The following PRKCE variants were observed in gnomAD, a reference collection of about 807,000 sequenced individuals.
The protein encoded by PRKCE is protein kinase C epsilon type.
Under a neutral mutation model 85.4 loss-of-function variants are expected in PRKCE, and 16 were observed. The ratio of observed to expected loss-of-function variants is 0.19; its 90% CI spans 0.13 to 0.28. PRKCE has a LOEUF of 0.28. Among genes scored for constraint, PRKCE ranks in the 10% least tolerant of loss-of-function variants. The pLI, the probability that PRKCE is intolerant of heterozygous loss-of-function variation, is 1.00. For missense variants in PRKCE, 573 were observed against 975.2 expected (o/e 0.59, Z 5.49); for synonymous variants, 388 against 371.5 (o/e 1.04, Z -0.51).
intron 2 of PRKCE, among the ~76,000 whole-genome samples, chr2:45,935,936 G>C (rs971851642): frequency 1.3e-5 from 2 of 152,216 alleles, no homozygotes; most frequent in African/African-American, 4.8e-5. Context: ...GTGCAGGCTG[G>C]CTGGCGCCTT....
intron 1 of PRKCE, among the ~76,000 whole-genome samples, chr2:45,720,680 A>C (rs1174456286): frequency 6.6e-6 from 1 of 152,192 alleles, no homozygotes; most frequent in Non-Finnish European, 1.5e-5. Flanking sequence ...TCATTCACCT[A>C]ATTATTCATG....
rs180871297 is a variant in PRKCE, at chr2:46,149,547, T to C, written c.1732-1494T>C. 1.5e-3 allele frequency among the ~76,000 whole-genome samples: 226 copies of C among 152,236 alleles called. 1 individual carries two copies. Among genetic ancestry groups the C allele is most frequent in the Non-Finnish European group, 2.7e-3 (185 of 68,010 alleles). ...TAGAGTGGACAGCTCAGCATTTATT[T>C]TTCCTCTGAGCCAAACACATCATTG... On this transcript the variant is annotated intron_variant, in intron 12 of 14. Transcript: ENST00000306156.
intron 1 of PRKCE, among the ~76,000 whole-genome samples, chr2:45,760,988 CAT>C (rs1053355139): frequency 1.3e-5 from 2 of 152,010 alleles, no homozygotes; most frequent in Non-Finnish European, 2.9e-5. Context: ...TTGACTTTGA[CAT>C]GTTCTCAAGG....
chr2:46,145,583 A>T lies in PRKCE; in HGVS notation c.1731+352A>T, dbSNP rs568469727. The stretch of plus-strand genomic sequence containing the variant: ...TTGTTTTCATGTCTTTAAAATCAGA[A>T]CAGGGTGGGCACAGTGACTCACATC... On this transcript the variant is annotated intron_variant, in intron 12 of 14. Coordinates refer to ENST00000306156, the MANE Select transcript of PRKCE (RefSeq NM_005400.3). This position sits in a 1 kb window ranked among gnomAD's most constrained non-coding sequence, Gnocchi z 4.6. 1.1e-4 allele frequency among the ~76,000 whole-genome samples: 16 copies of T among 152,268 alleles called. No individual in the cohort carries two copies. Among genetic ancestry groups the T allele is most frequent in the African/African-American group, 3.4e-4 (14 of 41,550 alleles).
intron 1 of PRKCE, among the ~76,000 whole-genome samples, chr2:45,737,414 A>C (rs1682165881): frequency 6.6e-6 from 1 of 152,094 alleles, no homozygotes; most frequent in East Asian, 1.9e-4. Context: ...TCTTCGGAGC[A>C]CTCAGACATC....
chr2:46,171,372 G>A (rs1309877971), intron 14 of PRKCE, among the ~76,000 whole-genome samples: 2 of 152,244 alleles, frequency 1.3e-5, no homozygotes, highest in Non-Finnish European at 2.9e-5. Context: ...GGGGTACACG[G>A]CAGAATGCAG....
intron 2 of PRKCE, among the ~76,000 whole-genome samples, chr2:45,949,370 A>G (rs1228511034): frequency 8.4e-6 from 1 of 119,160 alleles, no homozygotes; most frequent in Non-Finnish European, 1.8e-5. Flanking sequence ...TTTTAGGACT[A>G]TTGGCCGATG....
intron 1 of PRKCE, among the ~76,000 whole-genome samples, chr2:45,771,871 A>T (rs1349977222): frequency 2.0e-5 from 3 of 152,006 alleles, no homozygotes; most frequent in Non-Finnish European, 2.9e-5. Context: ...TTGGGCAGGG[A>T]TGGTGGAGCT....
chr2:46,080,582 G>A (rs1668978897), intron 10 of PRKCE, among the ~76,000 whole-genome samples: 1 of 152,170 alleles, frequency 6.6e-6, no homozygotes, highest in South Asian at 2.1e-4. Flanking sequence ...TATATGCCTG[G>A]CTCAGTTCTA....
At chr2:46,046,868 T>C (rs192529977) in intron 10 of PRKCE, among the ~76,000 whole-genome samples, 5 of 152,326 alleles carry the variant, frequency 3.3e-5, no homozygotes, top group Admixed American at 2.0e-4. Context: ...CTCTGTTTAT[T>C]TCCAGTGTAG....
intron 10 of PRKCE, among the ~76,000 whole-genome samples, chr2:46,019,957 C>A (rs1199329530): frequency 6.8e-6 from 1 of 147,504 alleles, no homozygotes; most frequent in Non-Finnish European, 1.5e-5. Context: ...TCAAGCAATT[C>A]TCCTGCCTCA....
At chr2:45,710,033 AC>A (rs1156397760) in intron 1 of PRKCE, among the ~76,000 whole-genome samples, 1 of 151,720 alleles carries the variant, frequency 6.6e-6, no homozygotes, top group Non-Finnish European at 1.5e-5. Flanking sequence ...CTGGTCTCGA[AC>A]CCCTGACCTC....
intron 5 of PRKCE, among the ~76,000 whole-genome samples, chr2:45,982,671 C>T (rs1702988536): frequency 1.3e-5 from 2 of 152,154 alleles, no homozygotes. Context: ...TGACATGTCC[C>T]CCTGCACACA....
At chr2:46,151,825 A>G (rs1253932511) in intron 13 of PRKCE, among the ~76,000 whole-genome samples, 1 of 152,228 alleles carries the variant, frequency 6.6e-6, no homozygotes, top group Admixed American at 6.5e-5. Flanking sequence ...ACATGGGAAA[A>G]CCCCTTATGC....
intron 1 of PRKCE, among the ~76,000 whole-genome samples, chr2:45,796,469 T>G (rs1199221269): frequency 6.6e-6 from 1 of 152,248 alleles, no homozygotes; most frequent in Non-Finnish European, 1.5e-5. Flanking sequence ...AAGCATTGGC[T>G]GCTATTATAT....
intron 1 of PRKCE, among the ~76,000 whole-genome samples, chr2:45,752,401 C>T (rs943692761): frequency 1.3e-5 from 2 of 152,152 alleles, no homozygotes; most frequent in Non-Finnish European, 2.9e-5. Flanking sequence ...GAACTGCTTG[C>T]CTTCCTCCCT....
In PRKCE at chr2:45,786,645, G is replaced by C. The variant is rs575924958; in HGVS notation, c.349-56355G>C. On this transcript the variant is annotated intron_variant, in intron 1 of 14. Coordinates refer to ENST00000306156, the MANE Select transcript of PRKCE (RefSeq NM_005400.3). The surrounding 1 kb of genome is among the most constrained non-coding windows in gnomAD (Gnocchi z 5.3). ...CAGAGTATTTTGTATGAGATTCAGG[G>C]GTGGGAGTGAGGGGGCAAGGGTTTA... Among the ~76,000 whole-genome samples, 1 of 152,282 alleles carries C rather than the reference G, an allele frequency of 6.6e-6. No homozygotes were observed. The highest frequency in any genetic ancestry group is 2.4e-5 in the African/African-American group (1 of 41,558).
intron 10 of PRKCE, among the ~76,000 whole-genome samples, chr2:46,064,280 CAAAAAAAAAAA>C (rs58347072): frequency 9.9e-5 from 9 of 90,848 alleles, no homozygotes; most frequent in Admixed American, 3.7e-4. Flanking sequence ...GACTCTGTCT[CAAAAAAAAAAA>C]AAAAAAAAAA....
chr2:46,088,371 C>T (rs574481837), intron 11 of PRKCE, among the ~76,000 whole-genome samples: 3 of 152,168 alleles, frequency 2.0e-5, no homozygotes, highest in Non-Finnish European at 4.4e-5. Flanking sequence ...GCACTGCCTG[C>T]CTGGCCCCAT....
Sources: allele counts gnomAD v4.1 joint callset (sites outside exome capture counted in the v4.1 genomes callset), GRCh38; gene constraint gnomAD v4.1.1; non-coding constraint Gnocchi (gnomAD v3.1); transcripts MANE v1.5; gene names NCBI Gene and HGNC (gene_info 2026-07-23, HGNC 2026-07-21).